The following DCP1B variants were observed in gnomAD, a reference collection of about 807,000 sequenced individuals.
DCP1B encodes mRNA-decapping enzyme 1B.
Under a neutral mutation model 60.5 loss-of-function variants are expected in DCP1B, and 47 were observed. The ratio of observed to expected loss-of-function variants is 0.78; its 90% CI spans 0.61 to 0.99. DCP1B has a LOEUF of 0.99. DCP1B is among the 50% of genes least tolerant of loss of function. The pLI, the probability that DCP1B is intolerant of heterozygous loss-of-function variation, is 0.00. For missense variants in DCP1B, 725 were observed against 756.8 expected, an observed-to-expected ratio of 0.96 and a Z score of 0.49; for synonymous variants, 267 against 280.3, an observed-to-expected ratio of 0.95 and a Z score of 0.47.
At chr12:2,002,389 C>T (rs1319036588) in intron 1 of DCP1B, among the ~76,000 whole-genome samples, 1 of 152,232 alleles carries the variant, frequency 6.6e-6, no homozygotes, top group African/African-American at 2.4e-5. Context: ...CTGGCTACCA[C>T]AGCCTTGAAG....
Position 1,965,572 on chromosome 12 carries a change from C to G in DCP1B, c.508G>C (p.Asp170His), listed in dbSNP as rs1194766098. 1 of 1,613,226 alleles carries G rather than the reference C, an allele frequency of 6.2e-7. No homozygotes were observed. ...DILRMLIKAKDEYTKCKTCSE... is the reference protein window; with the variant it reads ...DILRMLIKAKHEYTKCKTCSE... ...CAAACACTCACCTTTGTGTATTCGT[C>G]TTTGGCCTTGATGAGCATTCGTAAA... is the stretch of plus-strand genomic sequence containing the variant. Residue 170 changes from aspartate to histidine, a missense_variant, in exon 5 of 9, where the codon GAC becomes CAC. Physicochemically the swap from Asp to His is moderately conservative, Grantham distance 81 (BLOSUM62 -1). Transcript: ENST00000280665.
intron 3 of DCP1B, among the ~76,000 whole-genome samples, chr12:1,984,349 T>G (rs1411001085): frequency 6.6e-6 from 1 of 152,118 alleles, no homozygotes; most frequent in African/African-American, 2.4e-5. Flanking sequence ...TTGAATTTTT[T>G]AGTATTCTAT....
chr12:1,945,674 T>C (rs2030392804), downstream of DCP1B, among the ~76,000 whole-genome samples: 1 of 152,176 alleles, frequency 6.6e-6, no homozygotes, highest in Non-Finnish European at 1.5e-5. Context: ...AAATACGGCA[T>C]ATATACACCC....
chr12:1,975,899 T>G (rs2034195208), intron 3 of DCP1B, among the ~76,000 whole-genome samples: 1 of 152,166 alleles, frequency 6.6e-6, no homozygotes, highest in Non-Finnish European at 1.5e-5. Context: ...AAGTAGAAAC[T>G]GTGTTAATTG....
intron 3 of DCP1B, chr12:1,991,917 T>C (rs2039520150): frequency 6.0e-6 from 1 of 167,034 alleles, no homozygotes; most frequent in South Asian, 1.5e-4. Flanking sequence ...TGATTACAGG[T>C]AACTTTGTAG....
rs1467707397 is a variant in DCP1B, at chr12:1,952,423, AG to A, written c.1516del (p.Leu506PhefsTer66). On this transcript the variant is annotated frameshift_variant, in exon 7 of 9. Transcript: ENST00000280665. LOFTEE classifies it high-confidence loss of function. ...KTPNTEQQTP[L>X]FQVISPQRIP... ...CCCCTGGTACATATTTACCTGGAAA[AG>A]AGGAGTCTGCTGTTCTGTGTTGGGT... The A allele has an allele frequency of 1.3e-6, 2 of 1,576,734 alleles. No individual in the cohort carries two copies. Among genetic ancestry groups the A allele is most frequent in the Admixed American group, 1.8e-5 (1 of 55,448 alleles).
At position 1,984,264 on chromosome 12, in the gene DCP1B, G is replaced by A. The variant is rs975212283; in HGVS notation, c.319+9000C>T. ...ATGGTTGAACTTGGGTAGGTCTACC[G>A]TTTTATTTTTTGTTTAATGTTTGTC... On this transcript the variant is annotated intron_variant, in intron 3 of 8. Coordinates refer to ENST00000280665, the MANE Select transcript of DCP1B (RefSeq NM_152640.5). Among the ~76,000 whole-genome samples the A allele has an allele frequency of 5.9e-5, 9 of 152,012 alleles. No homozygotes were observed. The East Asian group carries it at 1.7e-3, about 29-fold the overall frequency.
chr12:1,958,487 C>A (rs1309127745), intron 5 of DCP1B, among the ~76,000 whole-genome samples: 1 of 141,866 alleles, frequency 7.0e-6, no homozygotes, highest in Non-Finnish European at 1.5e-5. Context: ...TTTCTATAAA[C>A]CTCCTGGAAG....
chr12:1,971,520 A>G lies in DCP1B; in HGVS notation c.320-3610T>C, dbSNP rs574710523. On this transcript the variant is annotated intron_variant, in intron 3 of 8. Coordinates refer to ENST00000280665, the MANE Select transcript of DCP1B (RefSeq NM_152640.5). This position sits in a 1 kb window ranked among gnomAD's most constrained non-coding sequence, Gnocchi z 4.2. ...TAAGATCAAGGAGATCAAAATTTCCATATAGACTTCATGTCTGGATTTTTT... is the reference window on the plus strand; with the variant it reads ...TAAGATCAAGGAGATCAAAATTTCCGTATAGACTTCATGTCTGGATTTTTT... Among the ~76,000 whole-genome samples the G allele has an allele frequency of 2.6e-5, 4 of 152,378 alleles. No homozygotes were observed. The highest frequency in any genetic ancestry group is 9.6e-5 in the African/African-American group (4 of 41,586).
In DCP1B at chr12:1,962,245, C is replaced by T. The variant is rs2031151846; in HGVS notation, c.522+3313G>A. 2.6e-5 allele frequency among the ~76,000 whole-genome samples: 4 copies of T among 152,082 alleles called. No homozygotes were observed. The highest frequency in any genetic ancestry group is 2.6e-4 in the Admixed American group (4 of 15,260). ...AGAGGAATATTGTACAGGCCAGAGA[C>T]GAGGAGATACGTATGGCTCAGGATT... On this transcript the variant is annotated intron_variant, in intron 5 of 8. Transcript: ENST00000280665. This position sits in a 1 kb window ranked among gnomAD's most constrained non-coding sequence, Gnocchi z 4.4.
Position 1,971,086 on chromosome 12 carries a change from T to A in DCP1B, c.320-3176A>T. 1 of 1,289,638 alleles carries A rather than the reference T, an allele frequency of 7.8e-7. No homozygotes were observed. Among genetic ancestry groups the A allele is most frequent in the Non-Finnish European group, 1.0e-6 (1 of 988,722 alleles). 79.9% of individuals were successfully genotyped at this position (1,289,638 alleles called of 1,614,324 possible). On this transcript the variant is annotated intron_variant, in intron 3 of 8. Transcript: ENST00000280665. This position sits in a 1 kb window ranked among gnomAD's most constrained non-coding sequence, Gnocchi z 4.2. ...CAATGCTTCGAGCCTTTGTTCAGCC[T>A]GGTACGCCTGCATACCAGCCGCTTC... is the stretch of plus-strand genomic sequence containing the variant.
chr12:2,003,326 A>G (rs1233983579), intron 1 of DCP1B, among the ~76,000 whole-genome samples: 1 of 152,244 alleles, frequency 6.6e-6, no homozygotes, highest in African/African-American at 2.4e-5. Flanking sequence ...GAAGAACACA[A>G]AAAGTTTATC....
intron 5 of DCP1B, among the ~76,000 whole-genome samples, chr12:1,960,039 TG>T (rs2031067379): frequency 6.6e-6 from 1 of 152,150 alleles, no homozygotes; most frequent in African/African-American, 2.4e-5. Flanking sequence ...ATCCCATTTC[TG>T]GGTATATATC....
intron 3 of DCP1B, among the ~76,000 whole-genome samples, chr12:1,975,596 C>G (rs2034084868): frequency 6.6e-6 from 1 of 152,128 alleles, no homozygotes. Context: ...CCATGCTAAA[C>G]TGGGCTCTCT....
At chr12:1,973,354 ACCTCC>A (rs1426234756) in intron 3 of DCP1B, among the ~76,000 whole-genome samples, 1 of 152,174 alleles carries the variant, frequency 6.6e-6, no homozygotes, top group African/African-American at 2.4e-5. Flanking sequence ...GTAGAAACAA[ACCTCC>A]CCTTTCTAAA....
Position 1,955,553 on chromosome 12 carries a change from G to A in DCP1B, c.530C>T (p.Thr177Ile), listed in dbSNP as rs750573336. 2 of 1,610,928 alleles carry A rather than the reference G, an allele frequency of 1.2e-6. No individual in the cohort carries two copies. The highest frequency in any genetic ancestry group is 3.4e-5 in the Admixed American group (2 of 59,500). ...KAKDEYTKCKTCSEPKKITSS... is the reference protein window; with the variant it reads ...KAKDEYTKCKICSEPKKITSS... Reference sequence around the variant, plus strand: ...GGTTATCTTTTTTGGCTCAGAACAGGTTTTACACTGAAATAGAAAAGAAAA... The same window carrying A: ...GGTTATCTTTTTTGGCTCAGAACAGATTTTACACTGAAATAGAAAAGAAAA... The change falls in exon 6 of 9, where the codon ACC (threonine) becomes ATC (isoleucine). Residue 177 changes from threonine to isoleucine, a missense_variant. Physicochemically the swap from Thr to Ile is moderately conservative, Grantham distance 89 (BLOSUM62 -1). Transcript: ENST00000280665.
intron 3 of DCP1B, among the ~76,000 whole-genome samples, chr12:1,983,296 ATACTC>A (rs1276774275): frequency 6.6e-6 from 1 of 151,776 alleles, no homozygotes; most frequent in Non-Finnish European, 1.5e-5. Flanking sequence ...TGGATTTAAT[ATACTC>A]TTCTCCTATT....
chr12:1,957,756 T>C (rs1344190003), intron 5 of DCP1B, among the ~76,000 whole-genome samples: 1 of 152,264 alleles, frequency 6.6e-6, no homozygotes, highest in Non-Finnish European at 1.5e-5. Context: ...TAAAGCAGAT[T>C]CACAGAAAGT....
chr12:1,961,217 A>G (rs1282237448), intron 5 of DCP1B: 1 of 152,290 alleles, frequency 6.6e-6, no homozygotes, highest in African/African-American at 2.4e-5. Flanking sequence ...TCTGTTTGGC[A>G]GGAGTTTCAA....
Sources: allele counts gnomAD v4.1 joint callset (sites outside exome capture counted in the v4.1 genomes callset), GRCh38; gene constraint gnomAD v4.1.1; non-coding constraint Gnocchi (gnomAD v3.1); transcripts MANE v1.5; gene names NCBI Gene and HGNC (gene_info 2026-07-23, HGNC 2026-07-21).